HELLS: variants seen among roughly 807,000 people sequenced by gnomAD.
The protein encoded by HELLS is lymphoid-specific helicase.
In HELLS, 32 loss-of-function variants were observed where a neutral mutation model predicts 120.0. The ratio of observed to expected loss-of-function variants is 0.27; its 90% CI spans 0.20 to 0.36. HELLS has a LOEUF of 0.36. Among genes scored for constraint, HELLS ranks in the 10% least tolerant of loss-of-function variants. HELLS has a pLI of 1.00. For synonymous variants in HELLS, 341 were observed against 323.4 expected (o/e 1.05, Z -0.58); for missense variants, 650 against 993.4 (o/e 0.65, Z 4.65).
chr10:94,598,018 T>G (rs184673469), intron 21 of HELLS, among the ~76,000 whole-genome samples: 2 of 151,272 alleles, frequency 1.3e-5, no homozygotes, highest in South Asian at 4.1e-4. Context: ...TTTTTTTTTT[T>G]ATCAGTTTTT....
chr10:94,584,426 A>G (rs1481927238), intron 12 of HELLS, among the ~76,000 whole-genome samples: 1 of 152,138 alleles, frequency 6.6e-6, no homozygotes, highest in East Asian at 1.9e-4. Context: ...GCAATGACAG[A>G]AATTTCAATG....
At chr10:94,558,330 G>A (rs1057369179) in intron 4 of HELLS, 135 bp downstream of exon 4, 29 of 1,061,552 alleles carry the variant, frequency 2.7e-5, no homozygotes, top group Non-Finnish European at 3.5e-5. Flanking sequence ...TACAAGCAAT[G>A]CAGAAACATG....
intron 12 of HELLS, chr10:94,584,048 T>C (rs1156590567): frequency 1.7e-6 from 2 of 1,184,272 alleles, no homozygotes; most frequent in African/African-American, 1.5e-5. Context: ...TGAAGGCAAA[T>C]TGCCCTCCAG....
intron 11 of HELLS, among the ~76,000 whole-genome samples, chr10:94,582,592 TAGAC>T (rs1473721422): frequency 1.3e-5 from 2 of 152,198 alleles, no homozygotes; most frequent in South Asian, 2.1e-4. Context: ...GGGCCATACT[TAGAC>T]TGATGGAGAA....
rs1842789694 is a variant in HELLS, at chr10:94,547,276, ATAT to A, written c.153+782_153+784del. 2.0e-5 allele frequency among the ~76,000 whole-genome samples: 3 copies of A among 152,238 alleles called. No individual in the cohort carries two copies. In the East Asian group the frequency reaches 5.8e-4, roughly 29 times the overall value. Reference sequence around the variant, plus strand: ...TTTATTAATTTATTAAACTCTACCGATATTATGATATAGGTTATTTTTTGTTAT... The same window carrying A: ...TTTATTAATTTATTAAACTCTACCGATATGATATAGGTTATTTTTTGTTAT... On this transcript the variant is annotated intron_variant, in intron 2 of 21. Transcript: ENST00000348459.
At chr10:94,604,609 C>T (rs933870107), downstream of HELLS, among the ~76,000 whole-genome samples, 3 of 152,114 alleles carry the variant, frequency 2.0e-5, no homozygotes, top group Admixed American at 6.5e-5. Flanking sequence ...TCTTGAAAAG[C>T]CTGCATTCCT....
chr10:94,546,082 G>A (rs1842741017), intron 1 of HELLS, 130 bp downstream of exon 1: 1 of 1,101,982 alleles, frequency 9.1e-7, no homozygotes, highest in Non-Finnish European at 1.3e-6. Flanking sequence ...AGGAGGGTTG[G>A]GAAACTGCAA....
intron 6 of HELLS, among the ~76,000 whole-genome samples, chr10:94,565,519 A>G (rs577847365): frequency 2.0e-5 from 3 of 152,128 alleles, no homozygotes; most frequent in African/African-American, 7.2e-5. Flanking sequence ...GAGAAACCCC[A>G]TCTCTACTAA....
rs888523760 is a variant in HELLS at position 94,550,219 on chromosome 10, T to A, written c.153+3721T>A. Among the ~76,000 whole-genome samples, 3 of 151,970 alleles carry A rather than the reference T, an allele frequency of 2.0e-5. 1 individual carries two copies. Among genetic ancestry groups the A allele is most frequent in the Admixed American group, 1.3e-4 (2 of 15,250 alleles). On this transcript the variant is annotated intron_variant, in intron 2 of 21. Transcript: ENST00000348459. ...ACAGGCATTAGCCACCATGCCCAGCTGATTTTTTTTTTTAGGAAAAATTTT... is the reference window on the plus strand; with the variant it reads ...ACAGGCATTAGCCACCATGCCCAGCAGATTTTTTTTTTTAGGAAAAATTTT...
At chr10:94,557,228 T>A (rs1177506415) in intron 3 of HELLS, 1 of 394,922 alleles carries the variant, frequency 2.5e-6, no homozygotes, top group Non-Finnish European at 5.2e-6. Context: ...ATACAGTAAG[T>A]CCCGGTGTCC....
In HELLS at chr10:94,594,860, T is replaced by C; in HGVS notation, c.2248+6T>C. 1.3e-6 allele frequency: 2 copies of C among 1,597,140 alleles called. No homozygotes were observed. The highest frequency in any genetic ancestry group is 1.7e-6 in the Non-Finnish European group (2 of 1,165,746). On this transcript the variant is annotated splice_donor_region_variant and intron_variant, in intron 19 of 21. Coordinates refer to ENST00000348459, the MANE Select transcript of HELLS (RefSeq NM_018063.5). ...AAAGTTGATCATCCATAAAAGTAAA[T>C]AACACTTATGTAGTGCTTTATTGTT...
At chr10:94,580,185 A>ACTTT (rs1491523737) in intron 10 of HELLS, among the ~76,000 whole-genome samples, 3 of 69,378 alleles carry the variant, frequency 4.3e-5, no homozygotes, top group African/African-American at 1.9e-4. Flanking sequence ...ACACACACAC[A>ACTTT]TTTTTTTTTT....
chr10:94,573,275 A>G (rs1237925933), intron 7 of HELLS, among the ~76,000 whole-genome samples: 2 of 152,110 alleles, frequency 1.3e-5, no homozygotes, highest in Non-Finnish European at 2.9e-5. Flanking sequence ...TTTCTTTTGT[A>G]AAGTATCTGT....
Position 94,545,815 on chromosome 10 carries a change from C to A in HELLS, c.-107C>A. 3.9e-6 allele frequency: 5 copies of A among 1,296,136 alleles called. No homozygotes were observed. Among genetic ancestry groups the A allele is most frequent in the South Asian group, 1.3e-5 (1 of 78,714 alleles). The allele number at this position is 1,296,136 out of a possible 1,614,324, so 80.3% of individuals were successfully genotyped here. Reference sequence around the variant, plus strand: ...AGGAGAAGCGCGCTTTTTTCCCTGGCGGGGGATTTGGCTAGAAGGCTGGGC... The same window carrying A: ...AGGAGAAGCGCGCTTTTTTCCCTGGAGGGGGATTTGGCTAGAAGGCTGGGC... On this transcript the variant is annotated 5_prime_UTR_variant, in exon 1 of 22. Transcript: ENST00000348459.
intron 7 of HELLS, among the ~76,000 whole-genome samples, chr10:94,571,920 C>A (rs1844194196): frequency 6.6e-6 from 1 of 152,122 alleles, no homozygotes; most frequent in South Asian, 2.1e-4. Context: ...CTTAAAATTA[C>A]AAGGTTGCCT....
At chr10:94,580,152 TATATATATATACACAC>T (rs1438799050) in intron 10 of HELLS, among the ~76,000 whole-genome samples, 4 of 51,188 alleles carry the variant, frequency 7.8e-5, no homozygotes, top group African/African-American at 3.2e-4. Context: ...TATATATATA[TATATATATATACACAC>T]ACACACACAC....
chr10:94,551,728 A>T (rs1348570204), intron 2 of HELLS, among the ~76,000 whole-genome samples: 1 of 151,584 alleles, frequency 6.6e-6, no homozygotes, highest in Non-Finnish European at 1.5e-5. Flanking sequence ...AAATGAATTC[A>T]TACCCCCATT....
At chr10:94,554,350 T>G (rs1358696517) in intron 3 of HELLS, 102 bp downstream of exon 3, 1 of 792,888 alleles carries the variant, frequency 1.3e-6, no homozygotes, top group Admixed American at 3.6e-5. Flanking sequence ...ATTTTAAGTG[T>G]ACGGTTTGCT....
intron 3 of HELLS, among the ~76,000 whole-genome samples, chr10:94,554,952 C>G (rs1843177047): frequency 6.6e-6 from 1 of 151,958 alleles, no homozygotes; most frequent in Non-Finnish European, 1.5e-5. Flanking sequence ...AGTTTGAGAC[C>G]AGGCTGGGTA....
Sources: gnomAD v4.1 joint callset for allele counts (sites outside exome capture counted in the v4.1 genomes callset) on GRCh38, gnomAD v4.1.1 for gene constraint, MANE v1.5 for transcripts, NCBI Gene and HGNC (gene_info 2026-07-23, HGNC 2026-07-21) for gene names.